Variants in FGF12 observed in about 807,000 individuals in gnomAD.
FGF12 encodes the protein fibroblast growth factor 12B.
In FGF12, 14 loss-of-function variants were observed where a neutral mutation model predicts 23.6. The ratio of observed to expected loss-of-function variants is 0.59; its 90% CI spans 0.39 to 0.93. The LOEUF (loss-of-function observed/expected upper bound fraction) is 0.93. Ranked by LOEUF, FGF12 falls within the 40% of genes least tolerant of loss-of-function variation. The probability of loss-of-function intolerance (pLI) is 0.00; values close to 1 mark genes in which losing one functional copy is unlikely to be tolerated. For synonymous variants in FGF12, 62 were observed against 77.3 expected, an observed-to-expected ratio of 0.80 and a Z score of 1.04; for missense variants, 175 against 217.8, an observed-to-expected ratio of 0.80 and a Z score of 1.24.
chr3:192,442,801 A>C (rs6778154), intron 2 of FGF12, among the ~76,000 whole-genome samples: 146,166 of 151,180 alleles, frequency 0.97, 70,702 homozygotes, highest in East Asian at 1. Context: ...AGCCACATGT[A>C]TTCTATCTTT....
At chr3:192,530,288 GT>G (rs1327579486) in intron 2 of FGF12, among the ~76,000 whole-genome samples, 3 of 152,072 alleles carry the variant, frequency 2.0e-5, no homozygotes, top group African/African-American at 7.2e-5. Flanking sequence ...TCTTTCAGTG[GT>G]TTTCATGTGT....
intron 2 of FGF12, among the ~76,000 whole-genome samples, chr3:192,579,746 T>G (rs1266391822): frequency 6.6e-6 from 1 of 152,064 alleles, no homozygotes; most frequent in African/African-American, 2.4e-5. Context: ...GTTTTTGTAT[T>G]TTTCAATAGA....
At chr3:192,156,147 T>C (rs1251206515) in intron 5 of FGF12, among the ~76,000 whole-genome samples, 3 of 152,196 alleles carry the variant, frequency 2.0e-5, no homozygotes, top group Admixed American at 6.5e-5. Context: ...AGAACAAAAT[T>C]TGATATTTTA....
chr3:192,378,026 T>TTTTCTTTTTC, intron 2 of FGF12, among the ~76,000 whole-genome samples: 1 of 69,456 alleles, frequency 1.4e-5, no homozygotes, highest in South Asian at 4.4e-4. Context: ...TGACTCTTTC[T>TTTTCTTTTTC]TTTCTTTCTT....
At chr3:192,553,971 A>G (rs809714) in intron 2 of FGF12, among the ~76,000 whole-genome samples, 112,807 of 152,126 alleles carry the variant, frequency 0.74, 42,227 homozygotes, top group African/African-American at 0.84. Flanking sequence ...ATGAGTAGGG[A>G]GAAAAAGAAG....
At chr3:192,523,868 C>T (rs908038426) in intron 2 of FGF12, among the ~76,000 whole-genome samples, 5 of 151,990 alleles carry the variant, frequency 3.3e-5, no homozygotes, top group South Asian at 2.1e-4. Context: ...TTCTGATTGC[C>T]GAGGAGGGAT....
chr3:192,426,946 C>T (rs1721704367), intron 2 of FGF12, among the ~76,000 whole-genome samples: 1 of 152,160 alleles, frequency 6.6e-6, no homozygotes, highest in South Asian at 2.1e-4. Context: ...AATAAAAATA[C>T]TTACTGATAC....
chr3:192,462,049 CAAAT>C (rs1722880891), intron 2 of FGF12, among the ~76,000 whole-genome samples: 1 of 150,762 alleles, frequency 6.6e-6, no homozygotes, highest in Non-Finnish European at 1.5e-5. Flanking sequence ...GAAAATGAAT[CAAAT>C]AAAATATATG....
At chr3:192,376,849 T>G (rs1338800929) in intron 2 of FGF12, among the ~76,000 whole-genome samples, 1 of 152,230 alleles carries the variant, frequency 6.6e-6, no homozygotes, top group Non-Finnish European at 1.5e-5. Flanking sequence ...CTCTTCTTTT[T>G]GATGGTTTAT....
At chr3:192,367,186 G>T (rs1719022071) in intron 2 of FGF12, among the ~76,000 whole-genome samples, 1 of 152,174 alleles carries the variant, frequency 6.6e-6, no homozygotes, top group Non-Finnish European at 1.5e-5. Flanking sequence ...TGTTTCCTTA[G>T]TCGGTGCTTA....
intron 2 of FGF12, among the ~76,000 whole-genome samples, chr3:192,453,003 T>C (rs1243598493): frequency 2.0e-5 from 3 of 152,264 alleles, no homozygotes; most frequent in Non-Finnish European, 2.9e-5. Context: ...CAGACAATTT[T>C]CAGTTACTTG....
chr3:192,540,908 T>A (rs1258428909), intron 2 of FGF12, among the ~76,000 whole-genome samples: 1 of 152,166 alleles, frequency 6.6e-6, no homozygotes, highest in African/African-American at 2.4e-5. Flanking sequence ...TGATTCTTTG[T>A]ATAGTTTTTG....
chr3:192,163,478 T>A (rs1714988418), intron 5 of FGF12, among the ~76,000 whole-genome samples: 1 of 152,160 alleles, frequency 6.6e-6, no homozygotes, highest in African/African-American at 2.4e-5. Context: ...AATATATTGA[T>A]CACAATAATA....
At chr3:192,442,254 A>G (rs1345143485) in intron 2 of FGF12, among the ~76,000 whole-genome samples, 1 of 152,234 alleles carries the variant, frequency 6.6e-6, no homozygotes, top group African/African-American at 2.4e-5. Context: ...GGGCTGATAT[A>G]TATCCAGTGT....
intron 4 of FGF12, among the ~76,000 whole-genome samples, chr3:192,313,820 C>T (rs74447007): frequency 0.038 from 5,714 of 152,264 alleles, 346 homozygotes; most frequent in African/African-American, 0.13. Context: ...TTATATTATG[C>T]ACAGTTAAGT....
At chr3:192,352,078 A>G (rs757762509) in intron 3 of FGF12, among the ~76,000 whole-genome samples, 4 of 151,742 alleles carry the variant, frequency 2.6e-5, no homozygotes, top group Admixed American at 6.6e-5. Flanking sequence ...CTTATATTTG[A>G]TCATATATCT....
chr3:192,254,404 C>T (rs1381712475), intron 4 of FGF12, among the ~76,000 whole-genome samples: 1 of 151,796 alleles, frequency 6.6e-6, no homozygotes, highest in African/African-American at 2.4e-5. Context: ...ACTACATTTT[C>T]TGTTTCTATT....
chr3:192,181,638 T>TG (rs934352651), intron 4 of FGF12, among the ~76,000 whole-genome samples: 5 of 151,512 alleles, frequency 3.3e-5, no homozygotes, highest in African/African-American at 9.7e-5. Context: ...TGTTTTTTTT[T>TG]TTTTTTTTTG....
In FGF12 at chr3:192,141,746, G is replaced by T. The variant is rs879533203; in HGVS notation, c.*2263C>A. 1.6e-4 allele frequency: 25 copies of T among 151,664 alleles called. No individual in the cohort carries two copies. Among genetic ancestry groups the T allele is most frequent in the Non-Finnish European group, 3.2e-4 (22 of 67,760 alleles). The allele number at this position is 151,664 out of a possible 1,614,324, so 9.4% of individuals were successfully genotyped here. ...TTGTCATGAAATCATAATTGTAATT[G>T]ATTTTTATGATTTGCATCAATTGTG... On this transcript the variant is annotated 3_prime_UTR_variant, in exon 6 of 6. Transcript: ENST00000445105.
Sources: allele counts gnomAD v4.1 joint callset (sites outside exome capture counted in the v4.1 genomes callset), GRCh38; gene constraint gnomAD v4.1.1; transcripts MANE v1.5; gene names NCBI Gene and HGNC (gene_info 2026-07-23, HGNC 2026-07-21).